The following FARS2 variants were observed in gnomAD, a reference collection of about 807,000 sequenced individuals.
FARS2 encodes the protein phenylalanine--tRNA ligase, mitochondrial.
A neutral mutation model predicts 46.4 loss-of-function variants in FARS2; 40 were observed. The observed-to-expected ratio is 0.86, with a 90% CI of 0.67 to 1.12. The LOEUF is 1.12. Ranked by LOEUF, FARS2 falls within the 50% of genes most tolerant of loss-of-function variation. The probability of loss-of-function intolerance (pLI) is 0.00; values close to 1 mark genes in which losing one functional copy is unlikely to be tolerated. For synonymous variants in FARS2, 234 were observed against 214.9 expected (o/e 1.09, Z -0.78); for missense variants, 513 against 567.9 (o/e 0.90, Z 0.98).
chr6:5,297,275 G>A (rs1457968605), intron 1 of FARS2, among the ~76,000 whole-genome samples: 7 of 152,192 alleles, frequency 4.6e-5, no homozygotes, highest in South Asian at 2.1e-4. Flanking sequence ...TAGCATCAGT[G>A]ATTCAGAGCC....
intron 3 of FARS2, among the ~76,000 whole-genome samples, chr6:5,417,887 T>C (rs1762331584): frequency 1.3e-5 from 2 of 152,230 alleles, no homozygotes; most frequent in African/African-American, 4.8e-5. Context: ...TTTCCACTAC[T>C]GGTGCTCTGT....
intron 6 of FARS2, among the ~76,000 whole-genome samples, chr6:5,644,491 G>C (rs754150104): frequency 2.0e-5 from 3 of 152,070 alleles, no homozygotes; most frequent in Non-Finnish European, 4.4e-5. Flanking sequence ...GGGATTACAA[G>C]AGTCAGCCAC....
chr6:5,481,167 G>A (rs972031801), intron 4 of FARS2, among the ~76,000 whole-genome samples: 3 of 152,156 alleles, frequency 2.0e-5, no homozygotes, highest in South Asian at 4.1e-4. Flanking sequence ...GCATCTTCTC[G>A]TCTCGGTTCA....
intron 6 of FARS2, among the ~76,000 whole-genome samples, chr6:5,652,545 A>G (rs7449545): frequency 0.31 from 47,853 of 152,022 alleles, 8,207 homozygotes; most frequent in East Asian, 0.59. Context: ...ATGAAGGCCC[A>G]GTGCGGCGCA....
intron 4 of FARS2, among the ~76,000 whole-genome samples, chr6:5,435,950 G>T (rs1407148634): frequency 1.3e-5 from 2 of 152,220 alleles, no homozygotes; most frequent in African/African-American, 2.4e-5. Flanking sequence ...GGTTTTGAAG[G>T]ATCATTATTG....
At position 5,264,378 on chromosome 6, in the gene FARS2, A is replaced by T. The variant is rs35237000; in HGVS notation, c.-22+2718A>T. Among the ~76,000 whole-genome samples the T allele has an allele frequency of 8.2e-3, 1,256 of 152,356 alleles. 18 individuals are homozygous for T. The highest frequency in any genetic ancestry group is 0.027 in the African/African-American group (1,128 of 41,584). ...GGGAAGGGGGAAGACCTTAGATATCAACTCATTCATTTGTACAGATGAACA... is the reference window on the plus strand; with the variant it reads ...GGGAAGGGGGAAGACCTTAGATATCTACTCATTCATTTGTACAGATGAACA... On this transcript the variant is annotated intron_variant, in intron 1 of 6. Transcript: ENST00000274680.
chr6:5,651,695 TTG>T (rs1777373434), intron 6 of FARS2, among the ~76,000 whole-genome samples: 1 of 152,196 alleles, frequency 6.6e-6, no homozygotes, highest in African/African-American at 2.4e-5. Context: ...TGAGTGTTCA[TTG>T]TGTGTCAGAC....
intron 6 of FARS2, among the ~76,000 whole-genome samples, chr6:5,670,564 A>G (rs1778401803): frequency 1.3e-5 from 2 of 152,358 alleles, no homozygotes; most frequent in Middle Eastern, 3.4e-3. Flanking sequence ...AATGAAATGT[A>G]GAATATCATA....
intron 4 of FARS2, among the ~76,000 whole-genome samples, chr6:5,470,893 A>C (rs1429011431): frequency 6.6e-6 from 1 of 152,136 alleles, no homozygotes; most frequent in African/African-American, 2.4e-5. Context: ...AAAATTGAGC[A>C]CTCTGAATTT....
At chr6:5,295,297 A>G (rs1767778205) in intron 1 of FARS2, among the ~76,000 whole-genome samples, 1 of 152,216 alleles carries the variant, frequency 6.6e-6, no homozygotes, top group Non-Finnish European at 1.5e-5. Context: ...CATATTTTTA[A>G]AAGATCTTTT....
intron 6 of FARS2, among the ~76,000 whole-genome samples, chr6:5,760,890 T>C (rs1252928270): frequency 6.6e-6 from 1 of 152,230 alleles, no homozygotes. Context: ...TTTGTGGACA[T>C]ACCATGGCCA....
At chr6:5,275,876 T>G (rs1766297898) in intron 1 of FARS2, among the ~76,000 whole-genome samples, 1 of 152,200 alleles carries the variant, frequency 6.6e-6, no homozygotes. Flanking sequence ...ATCTCTTGCG[T>G]TACGATATAT....
intron 1 of FARS2, among the ~76,000 whole-genome samples, chr6:5,321,577 CAG>C (rs142508930): frequency 0.055 from 8,440 of 152,224 alleles, 268 homozygotes; most frequent in Middle Eastern, 0.13. Flanking sequence ...AGTGTTCAGA[CAG>C]GGATATTTGC....
intron 1 of FARS2, among the ~76,000 whole-genome samples, chr6:5,318,822 C>T (rs1769751743): frequency 6.6e-6 from 1 of 151,998 alleles, no homozygotes. Context: ...AGGAGGGGAC[C>T]AATCAGAGGT....
At chr6:5,342,434 G>A (rs1209530123) in intron 1 of FARS2, among the ~76,000 whole-genome samples, 1 of 152,132 alleles carries the variant, frequency 6.6e-6, no homozygotes, top group Non-Finnish European at 1.5e-5. Context: ...AGACAATGAT[G>A]GACACAGTTA....
At chr6:5,385,768 G>A (rs938658437) in intron 2 of FARS2, among the ~76,000 whole-genome samples, 9 of 152,132 alleles carry the variant, frequency 5.9e-5, no homozygotes, top group Admixed American at 3.9e-4. Flanking sequence ...ATGTTTAGCA[G>A]TGATTCTTAT....
intron 1 of FARS2, among the ~76,000 whole-genome samples, chr6:5,333,871 G>C (rs1196903326): frequency 6.6e-6 from 1 of 152,094 alleles, no homozygotes; most frequent in Non-Finnish European, 1.5e-5. Context: ...TTTGCTTCAG[G>C]CTCTCCCAGT....
chr6:5,403,879 T>C (rs1313110711), intron 2 of FARS2, among the ~76,000 whole-genome samples: 1 of 152,236 alleles, frequency 6.6e-6, no homozygotes. Flanking sequence ...ATAGCTGTGG[T>C]TAATAATCAT....
chr6:5,432,932 T>C (rs1157343071), intron 4 of FARS2, among the ~76,000 whole-genome samples: 1 of 152,074 alleles, frequency 6.6e-6, no homozygotes, highest in Non-Finnish European at 1.5e-5. Flanking sequence ...TTCTTACTTT[T>C]AGGTACTCTC....
Sources: gnomAD v4.1 joint callset for allele counts (sites outside exome capture counted in the v4.1 genomes callset) on GRCh38, gnomAD v4.1.1 for gene constraint, MANE v1.5 for transcripts, NCBI Gene and HGNC (gene_info 2026-07-23, HGNC 2026-07-21) for gene names.